The following BLTP1 variants were observed in gnomAD, a reference collection of about 807,000 sequenced individuals.
The protein encoded by BLTP1 is fragile site-associated protein.
At chr4:122,240,434 T>C in the BLTP1 span, 3 of 1,214,732 alleles carry the variant, frequency 2.5e-6, no homozygotes, top group Non-Finnish European at 3.4e-6. Flanking sequence ...ATAATTACTC[T>C]CATTCTTTTT....
At chr4:122,152,899 C>T in the BLTP1 span, 1 of 712,366 alleles carries the variant, frequency 1.4e-6, no homozygotes, top group Non-Finnish European at 1.7e-6. Flanking sequence ...GGACCGTGCA[C>T]CCGCAGGCTC....
the BLTP1 span, chr4:122,355,648 T>C: frequency 1.6e-5 from 8 of 491,690 alleles, no homozygotes; most frequent in South Asian, 2.9e-4. Context: ...TCTGTATACA[T>C]AGATATATGT....
At chr4:122,200,677 C>G in the BLTP1 span, 1 of 984,888 alleles carries the variant, frequency 1.0e-6, no homozygotes, top group South Asian at 4.7e-5. Flanking sequence ...CACACTGAGC[C>G]TGTCACTTAA....
the BLTP1 span, chr4:122,339,390 A>C: frequency 6.2e-7 from 1 of 1,611,838 alleles, no homozygotes; most frequent in Non-Finnish European, 8.5e-7. Context: ...GACTTCTGCT[A>C]GCAAAACTGG....
the BLTP1 span, chr4:122,243,193 A>G: frequency 9.7e-7 from 1 of 1,027,990 alleles, no homozygotes; most frequent in Non-Finnish European, 1.4e-6. Context: ...TACCAAAATA[A>G]TTCAGCTCTT....
At chr4:122,246,695 T>G in the BLTP1 span, 2 of 1,612,202 alleles carry the variant, frequency 1.2e-6, no homozygotes, top group Non-Finnish European at 1.7e-6. Flanking sequence ...AAACTTATGT[T>G]TGTTACAAGC....
the BLTP1 span, chr4:122,258,599 T>C: frequency 7.2e-7 from 1 of 1,387,326 alleles, no homozygotes; most frequent in Non-Finnish European, 9.6e-7. Context: ...TGTCAAGGAA[T>C]ATGAAAGTTG....
chr4:122,208,797 T>G, the BLTP1 span: 1 of 435,104 alleles, frequency 2.3e-6, no homozygotes, highest in Non-Finnish European at 3.1e-6. Flanking sequence ...ATCCCAGCAC[T>G]TTGGGAGCCT....
the BLTP1 span, chr4:122,276,895 CTAATAAAA>C: frequency 1.0e-6 from 1 of 985,152 alleles, no homozygotes; most frequent in South Asian, 4.7e-5. Flanking sequence ...TGCGTTTATC[CTAATAAAA>C]GTTAAATGTG....
the BLTP1 span, among the ~76,000 whole-genome samples, chr4:122,237,804 G>A: frequency 3.0e-4 from 46 of 151,866 alleles, no homozygotes; most frequent in Non-Finnish European, 1.5e-4. Flanking sequence ...CCAACATGGG[G>A]AAACCCTTTC....
At chr4:122,313,540 A>G in the BLTP1 span, 101 of 963,010 alleles carry the variant, frequency 1.0e-4, 1 homozygote, top group East Asian at 1.5e-4. Flanking sequence ...TATTTAGACA[A>G]TAATCTTGTG....
the BLTP1 span, chr4:122,224,617 A>G: frequency 3.1e-6 from 5 of 1,614,014 alleles, no homozygotes; most frequent in East Asian, 6.7e-5. Flanking sequence ...ATTCCTTAGA[A>G]TACGCATGGT....
At chr4:122,286,773 T>C in the BLTP1 span, 1 of 1,610,966 alleles carries the variant, frequency 6.2e-7, no homozygotes, top group Non-Finnish European at 8.5e-7. Context: ...ATTATCTGCG[T>C]TGTGTGGCAG....
At chr4:122,240,375 T>A in the BLTP1 span, 1 of 1,572,052 alleles carries the variant, frequency 6.4e-7, no homozygotes, top group Non-Finnish European at 8.7e-7. Context: ...ATCATTAGTT[T>A]CCATTGATAT....
the BLTP1 span, chr4:122,225,440 A>G: frequency 6.6e-6 from 1 of 152,164 alleles, no homozygotes; most frequent in Admixed American, 6.5e-5. Context: ...TGATATTTCA[A>G]AAGACTGGAA....
the BLTP1 span, chr4:122,289,060 T>A: frequency 6.2e-7 from 1 of 1,600,888 alleles, no homozygotes; most frequent in Non-Finnish European, 8.5e-7. Flanking sequence ...GTAATCAGTG[T>A]TAATCTAATA....
chr4:122,190,095 T>C, the BLTP1 span: 4 of 1,611,830 alleles, frequency 2.5e-6, no homozygotes, highest in Non-Finnish European at 3.4e-6. Flanking sequence ...GTTGTTGTTG[T>C]TGTTGCTGTT....
chr4:122,209,918 C>A, the BLTP1 span: 15 of 1,612,706 alleles, frequency 9.3e-6, no homozygotes, highest in South Asian at 1.6e-4. Context: ...ACAGCTGAAA[C>A]AATCATGTAA....
the BLTP1 span, among the ~76,000 whole-genome samples, chr4:122,294,835 G>A: frequency 6.6e-6 from 1 of 152,124 alleles, no homozygotes; most frequent in Non-Finnish European, 1.5e-5. Context: ...AAAAGAACAT[G>A]TTCTAACCCA....
Sources: gnomAD v4.1 joint callset for allele counts (sites outside exome capture counted in the v4.1 genomes callset) on GRCh38, gnomAD v4.1.1 for gene constraint, MANE v1.5 for transcripts, NCBI Gene and HGNC (gene_info 2026-07-23, HGNC 2026-07-21) for gene names.